The following NSD2 variants were observed in gnomAD, a reference collection of about 807,000 sequenced individuals.
The protein encoded by NSD2 is histone-lysine N-methyltransferase NSD2.
Under a neutral mutation model 139.0 loss-of-function variants are expected in NSD2, and 12 were observed. That is an observed-to-expected ratio of 0.09 (90% confidence interval 0.06 to 0.14). The LOEUF is 0.14. Among genes scored for constraint, NSD2 ranks in the 10% least tolerant of loss-of-function variants. The probability of loss-of-function intolerance (pLI) is 1.00; values close to 1 mark genes in which losing one functional copy is unlikely to be tolerated. For synonymous variants in NSD2, 669 were observed against 648.7 expected (o/e 1.03, Z -0.48); for missense variants, 1,155 against 1,745.0 (o/e 0.66, Z 6.02).
Position 1,872,631 on chromosome 4 carries a change from A to AGAGAGAGAGAGAGG in NSD2, c.-30+1094_-30+1095insAGAGAGAGGGAGAG, listed in dbSNP as rs984225040. On this transcript the variant is annotated intron_variant, in intron 1 of 21. Coordinates refer to ENST00000508803, the MANE Select transcript of NSD2 (RefSeq NM_001042424.3). ...GAGAGAGAGAGAGAGAGAGAGAGAG[A>AGAGAGAGAGAGAGG]GAGAGCGCGCAGACCCTGTGAAGAC... Among the ~76,000 whole-genome samples the AGAGAGAGAGAGAGG allele has an allele frequency of 3.7e-5, 5 of 133,390 alleles. No individual in the cohort carries two copies. The East Asian group carries it at 6.6e-4, about 18-fold the overall frequency. 87.5% of individuals were successfully genotyped at this position (133,390 alleles called of 152,430 possible). A position where few individuals can be genotyped will look rare whatever the true frequency, so the allele number is the denominator to read the frequency against.
chr4:1,902,598 G>C (rs955450911), intron 2 of NSD2, among the ~76,000 whole-genome samples: 1 of 152,080 alleles, frequency 6.6e-6, no homozygotes, highest in Non-Finnish European at 1.5e-5. Flanking sequence ...TGTGCAAGTT[G>C]TCAGAGTCCT....
intron 5 of NSD2, among the ~76,000 whole-genome samples, chr4:1,929,351 C>T (rs903391379): frequency 2.6e-5 from 4 of 152,120 alleles, no homozygotes; most frequent in African/African-American, 9.7e-5. Context: ...TGGTAACCAA[C>T]CAACATTAAC....
intron 3 of NSD2, among the ~76,000 whole-genome samples, chr4:1,915,208 T>C (rs929863018): frequency 6.8e-6 from 1 of 147,408 alleles, no homozygotes; most frequent in African/African-American, 2.5e-5. Flanking sequence ...CTCCGCCTCC[T>C]GGGTTCACAC....
intron 1 of NSD2, among the ~76,000 whole-genome samples, chr4:1,872,623 A>AGAGAGAGAGAGAGAGAGAGAGAGC (rs1560534069): frequency 7.0e-6 from 1 of 143,834 alleles, no homozygotes; most frequent in Non-Finnish European, 1.5e-5. Flanking sequence ...AGAGAGAGAG[A>AGAGAGAGAGAGAGAGAGAGAGAGC]GAGAGAGAGA....
chr4:1,913,516 A>G (rs1022766796), intron 3 of NSD2, among the ~76,000 whole-genome samples: 3 of 152,248 alleles, frequency 2.0e-5, no homozygotes, highest in African/African-American at 7.2e-5. Flanking sequence ...TCCGCCTTCT[A>G]GATAGCAATA....
intron 9 of NSD2, 200 bp downstream of exon 9, chr4:1,939,978 T>G: frequency 7.0e-7 from 1 of 1,433,504 alleles, no homozygotes. Context: ...TTGAGCACTT[T>G]TTATACACAC....
At chr4:1,952,777 T>A in intron 11 of NSD2, 2 of 1,127,288 alleles carry the variant, frequency 1.8e-6, no homozygotes, top group Non-Finnish European at 2.2e-6. Flanking sequence ...GTCTGGGGTC[T>A]GTGAGGATGA....
At chr4:1,906,338 A>AGGT (rs1717893872) in intron 3 of NSD2, among the ~76,000 whole-genome samples, 2 of 152,110 alleles carry the variant, frequency 1.3e-5, no homozygotes, top group Admixed American at 6.5e-5. Flanking sequence ...TTCTGGGCTC[A>AGGT]GGTGATCCTT....
chr4:1,947,413 T>C, intron 9 of NSD2: 3 of 1,060,122 alleles, frequency 2.8e-6, no homozygotes, highest in Non-Finnish European at 2.3e-6. Flanking sequence ...GCAGTGGTGC[T>C]CTGGGAGTGG....
rs536149751 is a variant in NSD2 at position 1,976,292 on chromosome 4, C to T, written c.3622-183C>T. 2.2e-3 allele frequency: 1,405 copies of T among 650,988 alleles called. 30 individuals carry two copies. In the South Asian group the frequency reaches 0.026, roughly 12 times the overall value. The allele number at this position is 650,988 out of a possible 1,614,324, so 40.3% of individuals were successfully genotyped here. Reference sequence around the variant, plus strand: ...TCGTAGTCTTTGTTCAGCTTTTTCACGCTGAGTCGAGTGAGTCTAAGGATG... The same window carrying T: ...TCGTAGTCTTTGTTCAGCTTTTTCATGCTGAGTCGAGTGAGTCTAAGGATG... On this transcript the variant is annotated intron_variant, in intron 20 of 21. Transcript: ENST00000508803. The surrounding 1 kb of genome is among the most constrained non-coding windows in gnomAD (Gnocchi z 5.3).
chr4:1,883,861 C>T (rs527690823), intron 1 of NSD2, among the ~76,000 whole-genome samples: 47 of 152,278 alleles, frequency 3.1e-4, no homozygotes, highest in African/African-American at 1.0e-3. Flanking sequence ...TGGAGCTGCA[C>T]GCAGGAGCTG....
intron 1 of NSD2, among the ~76,000 whole-genome samples, chr4:1,875,280 C>CTTT (rs749123768): frequency 7.9e-6 from 1 of 126,624 alleles, no homozygotes; most frequent in Non-Finnish European, 1.7e-5. Flanking sequence ...TAGCTTTTTA[C>CTTT]TTTTTTTTTT....
rs968305634 is a variant in NSD2, at chr4:1,956,294, C to T, written c.2881+106C>T. 5.0e-6 allele frequency: 5 copies of T among 995,984 alleles called. No homozygotes were observed. The highest frequency in any genetic ancestry group is 1.4e-6 in the Non-Finnish European group (1 of 713,542). The allele number at this position is 995,984 out of a possible 1,614,324, so 61.7% of individuals were successfully genotyped here. A position where few individuals can be genotyped will look rare whatever the true frequency, so the allele number is the denominator to read the frequency against. On this transcript the variant is annotated intron_variant, in intron 15 of 21. Coordinates refer to ENST00000508803, the MANE Select transcript of NSD2 (RefSeq NM_001042424.3). This position sits in a 1 kb window ranked among gnomAD's most constrained non-coding sequence, Gnocchi z 5.3. ...TCTTTATAGAAAATACTGGACTAAG[C>T]ATTCAATCTGTTTTTTTAAATTAGG...
At chr4:1,884,637 C>G (rs1031564706) in intron 1 of NSD2, among the ~76,000 whole-genome samples, 1 of 152,050 alleles carries the variant, frequency 6.6e-6, no homozygotes, top group African/African-American at 2.4e-5. Context: ...CACGATCTGC[C>G]TGCCTTGGCC....
chr4:1,911,556 C>T (rs1186333045), intron 3 of NSD2, among the ~76,000 whole-genome samples: 1 of 142,388 alleles, frequency 7.0e-6, no homozygotes, highest in Non-Finnish European at 1.5e-5. Flanking sequence ...GTACTGCACT[C>T]CAGCCTGGGC....
intron 5 of NSD2, chr4:1,919,256 G>C (rs559062410): frequency 6.6e-6 from 1 of 151,510 alleles, no homozygotes; most frequent in African/African-American, 2.4e-5. Flanking sequence ...TGTCCTTAAC[G>C]TGTGACTCCA....
Position 1,958,117 on chromosome 4 carries a change from T to C in NSD2, c.2985+81T>C. The stretch of plus-strand genomic sequence containing the variant: ...GAGAGGTTCTTAGGCACACCCAGGC[T>C]ATGGCTGGGGAGAGGACTGTCACCA... On this transcript the variant is annotated intron_variant, in intron 16 of 21. Transcript: ENST00000508803. The surrounding 1 kb of genome is among the most constrained non-coding windows in gnomAD (Gnocchi z 4.6). The C allele has an allele frequency of 7.1e-7, 1 of 1,403,322 alleles. No individual in the cohort carries two copies. Among genetic ancestry groups the C allele is most frequent in the Non-Finnish European group, 9.9e-7 (1 of 1,005,866 alleles). The allele number at this position is 1,403,322 out of a possible 1,614,324, so 86.9% of individuals were successfully genotyped here. A position where few individuals can be genotyped will look rare whatever the true frequency, so the allele number is the denominator to read the frequency against.
At chr4:1,928,450 C>T (rs1258256217) in intron 5 of NSD2, among the ~76,000 whole-genome samples, 1 of 152,124 alleles carries the variant, frequency 6.6e-6, no homozygotes, top group African/African-American at 2.4e-5. Flanking sequence ...TGTGAGCATG[C>T]GCTTTTGTGT....
intron 9 of NSD2, chr4:1,941,611 TTAAA>T: frequency 2.9e-6 from 3 of 1,033,890 alleles, no homozygotes; most frequent in African/African-American, 1.7e-5. Context: ...ATATAATACA[TTAAA>T]TATGTGAAAT....
Sources: gnomAD v4.1 joint callset for allele counts (sites outside exome capture counted in the v4.1 genomes callset) on GRCh38, gnomAD v4.1.1 for gene constraint, Gnocchi (gnomAD v3.1) non-coding constraint, MANE v1.5 for transcripts, NCBI Gene and HGNC (gene_info 2026-07-23, HGNC 2026-07-21) for gene names.